Variants in CHN2 observed in about 807,000 individuals in gnomAD.
CHN2 encodes the protein chimerin 2.
Under a neutral mutation model 56.3 loss-of-function variants are expected in CHN2, and 35 were observed. That is an observed-to-expected ratio of 0.62 (90% CI 0.47 to 0.82). The LOEUF is 0.82. Among genes scored for constraint, CHN2 ranks in the 40% least tolerant of loss-of-function variants. CHN2 has a pLI of 0.00. For synonymous variants in CHN2, 210 were observed against 212.8 expected (o/e 0.99, Z 0.12); for missense variants, 491 against 580.5 (o/e 0.85, Z 1.58).
At chr7:29,470,124 A>G (rs1261738385) in intron 6 of CHN2, among the ~76,000 whole-genome samples, 1 of 152,206 alleles carries the variant, frequency 6.6e-6, no homozygotes, top group Non-Finnish European at 1.5e-5. Flanking sequence ...CAGAGCAGGG[A>G]GTGGCTTGAG....
At chr7:29,192,469 C>T (rs571169196), upstream of CHN2, 2 of 152,320 alleles carry the variant, frequency 1.3e-5, no homozygotes, top group South Asian at 2.1e-4. Context: ...CCCTATTGCA[C>T]AATTTGGGAC....
intron 1 of CHN2, among the ~76,000 whole-genome samples, chr7:29,238,964 G>A (rs1787426753): frequency 6.6e-6 from 1 of 152,234 alleles, no homozygotes. Flanking sequence ...AGGAGATCGT[G>A]TAGGTCACAG....
chr7:29,296,301 T>G (rs2128873632), intron 1 of CHN2, among the ~76,000 whole-genome samples: 1 of 152,042 alleles, frequency 6.6e-6, no homozygotes, highest in Non-Finnish European at 1.5e-5. Context: ...ACCAGGCTGG[T>G]CTCGAACTCC....
At chr7:29,471,849 A>G (rs1786075164) in intron 6 of CHN2, among the ~76,000 whole-genome samples, 1 of 152,144 alleles carries the variant, frequency 6.6e-6, no homozygotes, top group Non-Finnish European at 1.5e-5. Flanking sequence ...AACTAGCCCA[A>G]TTGCAGGAAA....
intron 6 of CHN2, among the ~76,000 whole-genome samples, chr7:29,478,407 G>A (rs559911050): frequency 1.4e-4 from 22 of 152,288 alleles, no homozygotes; most frequent in South Asian, 6.2e-4. Flanking sequence ...GTTGTAGAGC[G>A]ATGTGTAAGG....
intron 1 of CHN2, among the ~76,000 whole-genome samples, chr7:29,291,164 C>G (rs1792582404): frequency 4.6e-5 from 7 of 152,126 alleles, no homozygotes; most frequent in Admixed American, 4.6e-4. Context: ...AGGTCATATA[C>G]CAGTTAAATG....
chr7:29,146,631 C>T (rs568736513), exon 1 of CHN2: 59 of 1,550,588 alleles, frequency 3.8e-5, no homozygotes, highest in Middle Eastern at 1.7e-4. Context: ...GTCCCAACCT[C>T]CTGGTCCCAG....
intron 1 of CHN2, among the ~76,000 whole-genome samples, chr7:29,214,361 C>G (rs1785182103): frequency 6.6e-6 from 1 of 152,150 alleles, no homozygotes; most frequent in Non-Finnish European, 1.5e-5. Context: ...CCCTAGTCCT[C>G]TGGCCCGTCA....
intron 6 of CHN2, among the ~76,000 whole-genome samples, chr7:29,478,668 A>G (rs991130467): frequency 6.6e-6 from 1 of 152,204 alleles, no homozygotes; most frequent in East Asian, 1.9e-4. Flanking sequence ...TTTACCTCTC[A>G]GTGCCTTGCT....
Position 29,222,575 on chromosome 7 carries a change from C to T in CHN2, c.49+27585C>T, listed in dbSNP as rs568981861. Among the ~76,000 whole-genome samples the T allele has an allele frequency of 4.5e-4, 68 of 151,966 alleles. 1 individual carries two copies. The highest frequency in any genetic ancestry group is 3.9e-3 in the Admixed American group (59 of 15,260). On this transcript the variant is annotated intron_variant, in intron 1 of 12. Coordinates refer to ENST00000222792, the MANE Select transcript of CHN2 (RefSeq NM_004067.4). ...AATGAGAGATGTTCAAAACCTTCAC[C>T]GTGAAAACTGCAAAATATATTGAGA...
chr7:29,296,434 C>G (rs1396278224), intron 1 of CHN2, among the ~76,000 whole-genome samples: 1 of 152,168 alleles, frequency 6.6e-6, no homozygotes, highest in Non-Finnish European at 1.5e-5. Context: ...TTTATTGAAG[C>G]ATATGCTAAA....
intron 1 of CHN2, among the ~76,000 whole-genome samples, chr7:29,301,463 C>T (rs777846669): frequency 6.6e-6 from 1 of 151,932 alleles, no homozygotes; most frequent in Non-Finnish European, 1.5e-5. Flanking sequence ...ATCCCAGATG[C>T]TCCTGGCCTT....
At chr7:29,207,621 G>GA in intron 1 of CHN2, among the ~76,000 whole-genome samples, 1 of 152,274 alleles carries the variant, frequency 6.6e-6, no homozygotes, top group Middle Eastern at 3.4e-3. Context: ...AGTAGAGTGT[G>GA]AGTCATCCAG....
At chr7:29,422,314 C>T (rs575663075) in intron 6 of CHN2, among the ~76,000 whole-genome samples, 1 of 152,200 alleles carries the variant, frequency 6.6e-6, no homozygotes, top group African/African-American at 2.4e-5. Context: ...GTCAAATACA[C>T]ACAGGTGCAG....
At chr7:29,389,670 A>G (rs1465524149) in intron 3 of CHN2, among the ~76,000 whole-genome samples, 1 of 152,186 alleles carries the variant, frequency 6.6e-6, no homozygotes, top group African/African-American at 2.4e-5. Flanking sequence ...GTCAACAGGG[A>G]TATAAGTGGC....
At chr7:29,380,096 C>T (rs1323210922) in intron 3 of CHN2, among the ~76,000 whole-genome samples, 2 of 152,112 alleles carry the variant, frequency 1.3e-5, no homozygotes, top group Admixed American at 1.3e-4. Context: ...CTGGGCAGGA[C>T]TGTGGGCAAA....
intron 1 of CHN2, among the ~76,000 whole-genome samples, chr7:29,290,354 C>T (rs1792501065): frequency 6.6e-6 from 1 of 152,204 alleles, no homozygotes. Flanking sequence ...CGCTCTGTTC[C>T]TTGTGGTTCT....
intron 1 of CHN2, among the ~76,000 whole-genome samples, chr7:29,268,498 G>A (rs939248660): frequency 4.2e-5 from 6 of 144,456 alleles, no homozygotes; most frequent in Non-Finnish European, 7.4e-5. Context: ...GGAAATGCAC[G>A]GATGCTTCTG....
At chr7:29,156,277 A>G (rs898320007) in intron 2 of CHN2, among the ~76,000 whole-genome samples, 13 of 152,284 alleles carry the variant, frequency 8.5e-5, no homozygotes, top group Admixed American at 7.2e-4. Flanking sequence ...ACATCTTAGT[A>G]TTGGGATCTG....
Sources: gnomAD v4.1 joint callset for allele counts (sites outside exome capture counted in the v4.1 genomes callset) on GRCh38, gnomAD v4.1.1 for gene constraint, MANE v1.5 for transcripts, NCBI Gene and HGNC (gene_info 2026-07-23, HGNC 2026-07-21) for gene names.